Variants in SUCLG2 observed in about 807,000 individuals in gnomAD.
The protein encoded by SUCLG2 is succinate--CoA ligase [GDP-forming] subunit beta, mitochondrial.
In SUCLG2, 42 loss-of-function variants were observed where a neutral mutation model predicts 47.9. That is an observed-to-expected ratio of 0.88 (90% CI 0.69 to 1.14). The LOEUF is 1.14. Ranked by LOEUF, SUCLG2 falls within the 50% of genes most tolerant of loss-of-function variation. The pLI, the probability that SUCLG2 is intolerant of heterozygous loss-of-function variation, is 0.00. For missense variants in SUCLG2, 571 were observed against 525.9 expected (o/e 1.09, Z -0.84); for synonymous variants, 195 against 197.3 (o/e 0.99, Z 0.10).
At chr3:67,573,507 CA>C (rs1216561974) in intron 2 of SUCLG2, among the ~76,000 whole-genome samples, 1 of 152,174 alleles carries the variant, frequency 6.6e-6, no homozygotes, top group Admixed American at 6.5e-5. Context: ...TAGCTTAACA[CA>C]ATGTATTATC....
At chr3:67,435,984 G>A (rs574419529) in intron 9 of SUCLG2, among the ~76,000 whole-genome samples, 2 of 152,252 alleles carry the variant, frequency 1.3e-5, no homozygotes, top group South Asian at 2.1e-4. Flanking sequence ...TTTGCTATCC[G>A]AAGAGATGCA....
At chr3:67,583,829 C>T (rs1707941883) in intron 2 of SUCLG2, among the ~76,000 whole-genome samples, 1 of 152,224 alleles carries the variant, frequency 6.6e-6, no homozygotes, top group Non-Finnish European at 1.5e-5. Context: ...TGCTATACCT[C>T]TCTAAACTTC....
At position 67,600,455 on chromosome 3, in the gene SUCLG2, T is replaced by G. The variant is rs143963967; in HGVS notation, c.226+9000A>C. 1.3e-4 allele frequency among the ~76,000 whole-genome samples: 20 copies of G among 152,294 alleles called. 1 individual carries two copies. Among genetic ancestry groups the G allele is most frequent in the African/African-American group, 4.1e-4 (17 of 41,560 alleles). On this transcript the variant is annotated intron_variant, in intron 2 of 10. Transcript: ENST00000307227. ...TGAAGTATGTATTATTATCCCCTAT[T>G]TTATAGTCAAGTAAATTGTGGTTTA...
At position 67,609,473 on chromosome 3, in the gene SUCLG2, CGA is replaced by C. The variant is rs1700489292; in HGVS notation, c.206_207del (p.Leu69ArgfsTer4). On this transcript the variant is annotated frameshift_variant, in exon 2 of 11. Transcript: ENST00000307227. LOFTEE classifies it high-confidence loss of function. Reference sequence around the variant, plus strand: ...AGCTTACTTAGTCTCTTAGCAGCCTCGAGAGCTTCATTTGCAGTGTCTGCTAC... The same window carrying C: ...AGCTTACTTAGTCTCTTAGCAGCCTCGAGCTTCATTTGCAGTGTCTGCTAC... ...FFVADTANEALEAAKRLNAKE... is the reference protein window; with the variant it reads ...FFVADTANEAXEAAKRLNAKE... 1 of 1,612,520 alleles carries C rather than the reference CGA, an allele frequency of 6.2e-7. No homozygotes were observed. Among genetic ancestry groups the C allele is most frequent in the Non-Finnish European group, 8.5e-7 (1 of 1,179,772 alleles).
At chr3:67,512,853 A>T (rs1012462521) in intron 6 of SUCLG2, among the ~76,000 whole-genome samples, 1 of 149,840 alleles carries the variant, frequency 6.7e-6, no homozygotes, top group Non-Finnish European at 1.5e-5. Context: ...TCTAGATAGC[A>T]TCTCTCTCTC....
chr3:67,481,485 C>A (rs1348275590), intron 9 of SUCLG2, among the ~76,000 whole-genome samples: 1 of 152,220 alleles, frequency 6.6e-6, no homozygotes, highest in African/African-American at 2.4e-5. Flanking sequence ...TACTTTAGAC[C>A]AGGGCTTTTC....
At chr3:67,458,931 A>T (rs932566284) in intron 9 of SUCLG2, among the ~76,000 whole-genome samples, 16 of 152,216 alleles carry the variant, frequency 1.1e-4, no homozygotes, top group Non-Finnish European at 4.4e-5. Context: ...AACAAGAAAA[A>T]CACATGGTTA....
chr3:67,619,647 T>C (rs1700697917), intron 1 of SUCLG2, among the ~76,000 whole-genome samples: 1 of 152,202 alleles, frequency 6.6e-6, no homozygotes, highest in African/African-American at 2.4e-5. Context: ...TTCGCAAAGA[T>C]ACTGCCTTGT....
chr3:67,449,957 C>T (rs1026981529), intron 9 of SUCLG2, among the ~76,000 whole-genome samples: 7 of 152,066 alleles, frequency 4.6e-5, no homozygotes, highest in East Asian at 1.9e-4. Flanking sequence ...GAAAAGAGAA[C>T]AGTATCACTA....
chr3:67,516,916 T>C (rs1345643525), intron 6 of SUCLG2, among the ~76,000 whole-genome samples: 1 of 152,154 alleles, frequency 6.6e-6, no homozygotes, highest in Non-Finnish European at 1.5e-5. Context: ...TTAATAAACA[T>C]CAAATGAATG....
At chr3:67,611,128 A>C (rs1388996340) in intron 1 of SUCLG2, among the ~76,000 whole-genome samples, 1 of 152,244 alleles carries the variant, frequency 6.6e-6, no homozygotes, top group Non-Finnish European at 1.5e-5. Flanking sequence ...AGTCCTTAAG[A>C]TGTGAAATAA....
intron 1 of SUCLG2, among the ~76,000 whole-genome samples, chr3:67,627,373 T>G (rs1041811287): frequency 2.0e-5 from 3 of 152,202 alleles, no homozygotes; most frequent in African/African-American, 7.2e-5. Context: ...CTGTTGCACA[T>G]CTGTGTGAAA....
At chr3:67,603,967 C>T (rs912017293) in intron 2 of SUCLG2, among the ~76,000 whole-genome samples, 2 of 152,136 alleles carry the variant, frequency 1.3e-5, no homozygotes, top group East Asian at 1.9e-4. Flanking sequence ...TTGTATGCAA[C>T]GTAAACAACT....
chr3:67,574,544 T>C (rs959864798), intron 2 of SUCLG2, among the ~76,000 whole-genome samples: 1 of 152,130 alleles, frequency 6.6e-6, no homozygotes, highest in South Asian at 2.1e-4. Flanking sequence ...CCGCATACCA[T>C]GCACAAAAAT....
At chr3:67,603,218 C>T (rs763302314) in intron 2 of SUCLG2, among the ~76,000 whole-genome samples, 1 of 152,134 alleles carries the variant, frequency 6.6e-6, no homozygotes, top group African/African-American at 2.4e-5. Flanking sequence ...CAAAAATGAC[C>T]GTCATCTCAA....
At chr3:67,499,559 A>C (rs1394379224) in intron 7 of SUCLG2, among the ~76,000 whole-genome samples, 1 of 152,160 alleles carries the variant, frequency 6.6e-6, no homozygotes, top group Non-Finnish European at 1.5e-5. Flanking sequence ...ACTACAGGGC[A>C]CTTTCCTTGA....
intron 2 of SUCLG2, among the ~76,000 whole-genome samples, chr3:67,534,857 A>G (rs1706499657): frequency 6.6e-6 from 1 of 151,422 alleles, no homozygotes; most frequent in Non-Finnish European, 1.5e-5. Context: ...TAACATTGTA[A>G]GAATGAAACC....
chr3:67,446,664 CGTT>C (rs1346231257), intron 9 of SUCLG2, among the ~76,000 whole-genome samples: 3 of 150,314 alleles, frequency 2.0e-5, no homozygotes, highest in Non-Finnish European at 4.4e-5. Flanking sequence ...GAACTCCTGA[CGTT>C]GTGATGTGCC....
intron 7 of SUCLG2, among the ~76,000 whole-genome samples, chr3:67,505,783 G>A (rs1251690313): frequency 1.2e-4 from 19 of 152,174 alleles, no homozygotes; most frequent in Admixed American, 1.2e-3. Flanking sequence ...CCAACGTGGT[G>A]AAACCCCGTC....
Sources: gnomAD v4.1 joint callset for allele counts (sites outside exome capture counted in the v4.1 genomes callset) on GRCh38, gnomAD v4.1.1 for gene constraint, MANE v1.5 for transcripts, NCBI Gene and HGNC (gene_info 2026-07-23, HGNC 2026-07-21) for gene names.